The following RASSF6 variants were observed in gnomAD, a reference collection of about 807,000 sequenced individuals.
RASSF6 encodes Ras association domain family member 6.
In RASSF6, 52 loss-of-function variants were observed where a neutral mutation model predicts 44.0. The ratio of observed to expected loss-of-function variants is 1.18; its 90% CI spans 0.95 to 1.49. The LOEUF (loss-of-function observed/expected upper bound fraction) is 1.49, where lower values mean the gene tolerates loss of function less well. Ranked by LOEUF, RASSF6 falls within the 40% of genes most tolerant of loss-of-function variation. The pLI is 0.00. For synonymous variants in RASSF6, 162 were observed against 124.6 expected (o/e 1.30, Z -2.00); for missense variants, 464 against 393.3 (o/e 1.18, Z -1.52).
chr4:73,576,761 C>A, intron 8 of RASSF6, 30 bp from the exon 9 acceptor site: 1 of 1,275,022 alleles, frequency 7.8e-7, no homozygotes. Flanking sequence ...CAACCACAAT[C>A]AGAAGTTCAT....
At chr4:73,578,449 A>G (rs142465362) in intron 8 of RASSF6, among the ~76,000 whole-genome samples, 201 of 152,284 alleles carry the variant, frequency 1.3e-3, no homozygotes, top group Non-Finnish European at 2.1e-3. Context: ...CCAAACATGC[A>G]TGCTATTGTA....
rs1487027808 is a variant in RASSF6, at chr4:73,576,240, C to G, written c.1009G>C (p.Val337Leu). Residue 337 changes from valine to leucine, a missense_variant, in exon 11 of 11, where the codon GTT (valine) becomes CTT (leucine). Coordinates refer to ENST00000307439, the MANE Select transcript of RASSF6 (RefSeq NM_177532.5). ...AGCAATAGAAGCTTGTACTGCTAAA[C>G]TGTTGTCTCTGTTTTTATTACTAGT... The part of the protein sequence containing the change: ...NKLVIKTETT[V>L] The G allele has an allele frequency of 6.5e-7, 1 of 1,538,296 alleles. No individual in the cohort carries two copies. Among genetic ancestry groups the G allele is most frequent in the Admixed American group, 1.7e-5 (1 of 57,612 alleles).
At chr4:73,614,150 G>A (rs914516500) in intron 1 of RASSF6, among the ~76,000 whole-genome samples, 1 of 152,086 alleles carries the variant, frequency 6.6e-6, no homozygotes, top group African/African-American at 2.4e-5. Context: ...CCAAAAGTAA[G>A]TCCTATTCAC....
At chr4:73,591,469 G>A (rs1185053175) in intron 4 of RASSF6, among the ~76,000 whole-genome samples, 1 of 152,150 alleles carries the variant, frequency 6.6e-6, no homozygotes, top group Non-Finnish European at 1.5e-5. Flanking sequence ...TTGCAATGAG[G>A]TCTTAGGTAA....
In RASSF6 at chr4:73,620,364, G is replaced by T; in HGVS notation, c.-111C>A. ...TGAACTTGCTTCGCGGTTTGTTCTCGGCTGGGTCAGGAACTCTGGTAGAGG... is the reference window on the plus strand; with the variant it reads ...TGAACTTGCTTCGCGGTTTGTTCTCTGCTGGGTCAGGAACTCTGGTAGAGG... On this transcript the variant is annotated 5_prime_UTR_variant, in exon 1 of 11. Transcript: ENST00000307439. 6.6e-7 allele frequency: 1 copy of T among 1,509,220 alleles called. No individual in the cohort carries two copies. Among genetic ancestry groups the T allele is most frequent in the South Asian group, 1.3e-5 (1 of 77,662 alleles). 93.5% of individuals were successfully genotyped at this position (1,509,220 alleles called of 1,614,324 possible).
intron 6 of RASSF6, among the ~76,000 whole-genome samples, chr4:73,584,703 T>C (rs16849656): frequency 0.28 from 42,398 of 151,940 alleles, 6,158 homozygotes; most frequent in Admixed American, 0.41. Flanking sequence ...AGTATTATTG[T>C]TGGTATGTTG....
chr4:73,590,633 C>A (rs1317923486), intron 4 of RASSF6, among the ~76,000 whole-genome samples: 4 of 152,170 alleles, frequency 2.6e-5, no homozygotes, highest in Admixed American at 1.3e-4. Flanking sequence ...CAGGGAAAAG[C>A]CACTTCAAAT....
chr4:73,615,760 CA>C (rs1726314433), intron 1 of RASSF6: 1 of 714,774 alleles, frequency 1.4e-6, no homozygotes, highest in Non-Finnish European at 2.4e-6. Context: ...TTGGTCTGAA[CA>C]AGCCAATGAG....
At chr4:73,583,976 C>T (rs7676850) in intron 6 of RASSF6, among the ~76,000 whole-genome samples, 42,422 of 151,902 alleles carry the variant, frequency 0.28, 6,166 homozygotes, top group Admixed American at 0.41. Flanking sequence ...AAGCCACTTG[C>T]TTGGAGCAAT....
chr4:73,615,816 T>C, intron 1 of RASSF6: 2 of 1,239,890 alleles, frequency 1.6e-6, no homozygotes, highest in Non-Finnish European at 2.3e-6. Flanking sequence ...GCATTAGCGT[T>C]CCAGCAATGC....
chr4:73,593,306 G>A lies in RASSF6; in HGVS notation c.287+145C>T, dbSNP rs187407741. 6 of 795,762 alleles carry A rather than the reference G, an allele frequency of 7.5e-6. No individual in the cohort carries two copies. In the Admixed American group the frequency reaches 1.3e-4, roughly 18 times the overall value. The allele number at this position is 795,762 out of a possible 1,614,324, so 49.3% of individuals were successfully genotyped here. A position where few individuals can be genotyped will look rare whatever the true frequency, so the allele number is the denominator to read the frequency against. ...GCCGGGATTACAGGTGTGAGCCACC[G>A]TGCCCGGCCATTGCTGGGAAATTAA... is the stretch of plus-strand genomic sequence containing the variant. On this transcript the variant is annotated intron_variant, in intron 4 of 10. Coordinates refer to ENST00000307439, the MANE Select transcript of RASSF6 (RefSeq NM_177532.5).
At chr4:73,617,318 A>G (rs1028665555) in intron 1 of RASSF6, among the ~76,000 whole-genome samples, 1 of 152,238 alleles carries the variant, frequency 6.6e-6, no homozygotes, top group Admixed American at 6.5e-5. Flanking sequence ...CATGCATTTT[A>G]TTCTGCTCAA....
intron 4 of RASSF6, 144 bp from the exon 5 acceptor site, chr4:73,588,078 A>G (rs967458210): frequency 1.7e-5 from 8 of 477,174 alleles, no homozygotes; most frequent in Non-Finnish European, 2.7e-5. Context: ...ATTTTATGAT[A>G]TTATTAAAAT....
In RASSF6 at chr4:73,593,525, C is replaced by CT. The variant is rs1371454662; in HGVS notation, c.212dup (p.Leu72AlafsTer6). ...ATGGCTTCTCATCTTGTATTTTTAG[C>CT]TGTATAGGTCGTTTTACTCCCCAGA... On this transcript the variant is annotated frameshift_variant, in exon 4 of 11. Transcript: ENST00000307439. LOFTEE classifies it high-confidence loss of function. 6.2e-7 allele frequency: 1 copy of CT among 1,613,548 alleles called. No homozygotes were observed. The highest frequency in any genetic ancestry group is 1.3e-5 in the African/African-American group (1 of 74,888).
At chr4:73,619,954 T>A (rs1726595924) in intron 1 of RASSF6, among the ~76,000 whole-genome samples, 1 of 152,062 alleles carries the variant, frequency 6.6e-6, no homozygotes, top group Non-Finnish European at 1.5e-5. Context: ...CTAGTATCTT[T>A]GTAAGGCACG....
At chr4:73,619,866 G>A (rs889583642) in intron 1 of RASSF6, among the ~76,000 whole-genome samples, 1 of 151,972 alleles carries the variant, frequency 6.6e-6, no homozygotes, top group Non-Finnish European at 1.5e-5. Context: ...CCTCAATTAA[G>A]TTCTTTCCAG....
At position 73,593,435 on chromosome 4, in the gene RASSF6, AT is replaced by A. The variant is rs746920444; in HGVS notation, c.287+15del. The stretch of plus-strand genomic sequence containing the variant: ...GATCATCTTCTGAGGAATTAAAAAC[AT>A]GAAAGATAGCTTACCCTTTGCTGGA... On this transcript the variant is annotated intron_variant, in intron 4 of 10. Transcript: ENST00000307439. 1.9e-6 allele frequency: 3 copies of A among 1,590,898 alleles called. No individual in the cohort carries two copies. The highest frequency in any genetic ancestry group is 3.7e-5 in the Admixed American group (2 of 53,786).
At position 73,620,412 on chromosome 4, in the gene RASSF6, C is replaced by T. The variant is rs1191544480; in HGVS notation, c.-159G>A. 2.6e-6 allele frequency: 4 copies of T among 1,539,808 alleles called. No homozygotes were observed. The highest frequency in any genetic ancestry group is 3.5e-6 in the Non-Finnish European group (4 of 1,142,506). On this transcript the variant is annotated 5_prime_UTR_variant, in exon 1 of 11. Coordinates refer to ENST00000307439, the MANE Select transcript of RASSF6 (RefSeq NM_177532.5). ...AGGGAAACCAGTGCCCTGTCTCTGC[C>T]GGGCTGGGACTCCGCGAGTCACTCA...
intron 2 of RASSF6, among the ~76,000 whole-genome samples, chr4:73,608,251 A>C (rs1725781925): frequency 6.6e-6 from 1 of 151,774 alleles, no homozygotes; most frequent in Non-Finnish European, 1.5e-5. Context: ...TTTTTAGATT[A>C]TCTTGGGCAG....
Sources: gnomAD v4.1 joint callset for allele counts (sites outside exome capture counted in the v4.1 genomes callset) on GRCh38, gnomAD v4.1.1 for gene constraint, MANE v1.5 for transcripts, NCBI Gene and HGNC (gene_info 2026-07-23, HGNC 2026-07-21) for gene names.